The following SGCD variants were observed in gnomAD, a reference collection of about 807,000 sequenced individuals.
The protein encoded by SGCD is delta-sarcoglycan.
In SGCD, 18 loss-of-function variants were observed where a neutral mutation model predicts 36.6. The observed-to-expected ratio is 0.49, with a 90% CI of 0.34 to 0.73. The LOEUF (loss-of-function observed/expected upper bound fraction) is 0.73. Among genes scored for constraint, SGCD ranks in the 30% least tolerant of loss-of-function variants. The pLI, the probability that SGCD is intolerant of heterozygous loss-of-function variation, is 0.01. For synonymous variants in SGCD, 133 were observed against 130.6 expected, an observed-to-expected ratio of 1.02 and a Z score of -0.12; for missense variants, 387 against 346.7, an observed-to-expected ratio of 1.12 and a Z score of -0.92.
intron 1 of SGCD, among the ~76,000 whole-genome samples, chr5:156,005,428 TTTGTTGTTGTTG>T (rs5872447): frequency 0.21 from 30,885 of 150,496 alleles, 3,871 homozygotes; most frequent in South Asian, 0.36. Flanking sequence ...GTCTTCAGTT[TTTGTTGTTGTTG>T]TTGTTGTTGT....
chr5:155,891,183 C>G (rs971933795), intron 1 of SGCD, among the ~76,000 whole-genome samples: 1 of 152,172 alleles, frequency 6.6e-6, no homozygotes, highest in Admixed American at 6.5e-5. Context: ...ATGTACAGAT[C>G]CACTTTCTGG....
intron 1 of SGCD, among the ~76,000 whole-genome samples, chr5:155,938,557 G>T (rs1757262735): frequency 6.6e-6 from 1 of 152,152 alleles, no homozygotes; most frequent in African/African-American, 2.4e-5. Context: ...TATAGATGAA[G>T]TTAATAGGAA....
At chr5:156,717,081 A>G (rs1358869166) in intron 7 of SGCD, among the ~76,000 whole-genome samples, 2 of 152,218 alleles carry the variant, frequency 1.3e-5, no homozygotes, top group Admixed American at 6.5e-5. Flanking sequence ...TAAAAGGAAA[A>G]CATCTAAAGC....
the SGCD span, among the ~76,000 whole-genome samples, chr5:155,768,748 C>A: frequency 6.6e-6 from 1 of 152,194 alleles, no homozygotes; most frequent in South Asian, 2.1e-4. Flanking sequence ...CCTATTTGAC[C>A]TTGAAGTGAA....
At chr5:156,604,218 T>C (rs903398138) in intron 6 of SGCD, among the ~76,000 whole-genome samples, 49 of 152,002 alleles carry the variant, frequency 3.2e-4, no homozygotes, top group Non-Finnish European at 5.9e-4. Flanking sequence ...CTACTCCTGC[T>C]TGCTTTTCAT....
chr5:155,936,040 G>C (rs1757189552), intron 1 of SGCD, among the ~76,000 whole-genome samples: 1 of 152,160 alleles, frequency 6.6e-6, no homozygotes, highest in African/African-American at 2.4e-5. Context: ...AGGGAATGCT[G>C]TGGCGCCTGG....
At chr5:155,963,331 T>C (rs539648080) in intron 1 of SGCD, among the ~76,000 whole-genome samples, 1 of 152,268 alleles carries the variant, frequency 6.6e-6, no homozygotes, top group East Asian at 1.9e-4. Context: ...GAAATAGATA[T>C]TTATAATTTT....
In SGCD at chr5:155,924,958, G is replaced by A. The variant is rs1004035981; in HGVS notation, c.-282+54534G>A. 3.9e-5 allele frequency among the ~76,000 whole-genome samples: 6 copies of A among 152,300 alleles called. No individual in the cohort carries two copies. The East Asian group carries it at 9.7e-4, about 25-fold the overall frequency. Reference sequence around the variant, plus strand: ...TTGCAGATAAACTGGAATTGGCAAGGATTTAATGAATCCGGGGGTAGAATT... The same window carrying A: ...TTGCAGATAAACTGGAATTGGCAAGAATTTAATGAATCCGGGGGTAGAATT... On this transcript the variant is annotated intron_variant, in intron 1 of 9. Coordinates refer to the SGCD transcript ENST00000517913.
chr5:156,212,118 A>G (rs1327503872), intron 3 of SGCD, among the ~76,000 whole-genome samples: 2 of 152,216 alleles, frequency 1.3e-5, no homozygotes, highest in Non-Finnish European at 2.9e-5. Flanking sequence ...CCTACAAAAC[A>G]ATCAGAAAAT....
chr5:156,100,593 T>C (rs912581094), intron 1 of SGCD, among the ~76,000 whole-genome samples: 2 of 152,220 alleles, frequency 1.3e-5, no homozygotes, highest in Admixed American at 1.3e-4. Context: ...CAGCATCACT[T>C]TTCCCTATTG....
intron 1 of SGCD, among the ~76,000 whole-genome samples, chr5:155,890,094 T>C (rs961544746): frequency 3.1e-4 from 47 of 152,192 alleles, no homozygotes; most frequent in African/African-American, 1.1e-3. Context: ...CCCTGTTACC[T>C]ACACTAAGGT....
intron 4 of SGCD, among the ~76,000 whole-genome samples, chr5:156,547,453 T>TTG (rs1758623614): frequency 2.0e-5 from 3 of 151,810 alleles, no homozygotes. Context: ...TTTTTTTTTT[T>TTG]TTCTTTTGAG....
intron 7 of SGCD, among the ~76,000 whole-genome samples, chr5:156,693,677 C>T (rs1178206724): frequency 1.3e-5 from 2 of 152,196 alleles, no homozygotes; most frequent in Non-Finnish European, 1.5e-5. Flanking sequence ...TCTGGTTGCT[C>T]CTGAGCTAGT....
chr5:156,753,607 G>A (rs1757232058), intron 7 of SGCD, among the ~76,000 whole-genome samples: 1 of 152,186 alleles, frequency 6.6e-6, no homozygotes, highest in African/African-American at 2.4e-5. Context: ...TTGATTCACA[G>A]TTCCCCATGG....
chr5:156,068,595 G>A (rs60166257), intron 1 of SGCD, among the ~76,000 whole-genome samples: 15,014 of 151,694 alleles, frequency 0.099, 1,625 homozygotes, highest in East Asian at 0.46. Flanking sequence ...GTGTGCATGT[G>A]CCTTTATAGC....
intron 1 of SGCD, among the ~76,000 whole-genome samples, chr5:156,018,263 T>G (rs1759027308): frequency 6.6e-6 from 1 of 152,208 alleles, no homozygotes; most frequent in South Asian, 2.1e-4. Context: ...TTTTTCTAAC[T>G]TTAATGGGAG....
intron 3 of SGCD, among the ~76,000 whole-genome samples, chr5:156,125,704 G>A (rs1334486092): frequency 6.6e-6 from 1 of 151,486 alleles, no homozygotes; most frequent in East Asian, 1.9e-4. Context: ...ATGGTTTCAA[G>A]GACCAAATAG....
intron 7 of SGCD, among the ~76,000 whole-genome samples, chr5:156,696,366 C>T (rs1237360315): frequency 6.6e-6 from 1 of 152,182 alleles, no homozygotes; most frequent in Non-Finnish European, 1.5e-5. Flanking sequence ...TCCTCTTATT[C>T]TTCTCCTAAG....
intron 3 of SGCD, among the ~76,000 whole-genome samples, chr5:156,405,105 G>A (rs1468353908): frequency 6.6e-6 from 1 of 152,154 alleles, no homozygotes; most frequent in Non-Finnish European, 1.5e-5. Flanking sequence ...GTGGACATGT[G>A]AAAAGACACA....
Sources: allele counts gnomAD v4.1 joint callset (sites outside exome capture counted in the v4.1 genomes callset), GRCh38; gene constraint gnomAD v4.1.1; transcripts MANE v1.5; gene names NCBI Gene and HGNC (gene_info 2026-07-23, HGNC 2026-07-21).